Variants in OLFM3 observed in about 807,000 individuals in gnomAD.
The protein encoded by OLFM3 is olfactomedin 3.
OLFM3 carries 20 observed loss-of-function variants against 48.6 expected under a neutral mutation model. The ratio of observed to expected loss-of-function variants is 0.41; its 90% CI spans 0.29 to 0.60. OLFM3 has a LOEUF of 0.60. OLFM3 is among the 20% of genes least tolerant of loss of function. The pLI, the probability that OLFM3 is intolerant of heterozygous loss-of-function variation, is 0.28. For synonymous variants in OLFM3, 222 were observed against 198.1 expected, an observed-to-expected ratio of 1.12 and a Z score of -1.01; for missense variants, 437 against 544.3, an observed-to-expected ratio of 0.80 and a Z score of 1.96.
At chr1:101,940,995 TAGGTA>T (rs1418990529) in intron 1 of OLFM3, among the ~76,000 whole-genome samples, 1 of 152,090 alleles carries the variant, frequency 6.6e-6, no homozygotes, top group Admixed American at 6.6e-5. Flanking sequence ...CAATAGGCTG[TAGGTA>T]AAATGCAAGG....
chr1:101,814,171 T>C (rs778063424), intron 4 of OLFM3, among the ~76,000 whole-genome samples: 3 of 152,170 alleles, frequency 2.0e-5, no homozygotes, highest in Non-Finnish European at 4.4e-5. Context: ...CAGTCAGTCT[T>C]ACCGTAGAAA....
intron 1 of OLFM3, 132 bp from the exon 2 acceptor site, chr1:101,837,157 G>A (rs1378826383): frequency 1.1e-6 from 1 of 901,930 alleles, no homozygotes; most frequent in Admixed American, 3.0e-5. Flanking sequence ...AAAGTTAGCA[G>A]AGAGATATTA....
Position 101,881,818 on chromosome 1 carries a change from G to C in OLFM3, c.70-44793C>G, listed in dbSNP as rs574935686. On this transcript the variant is annotated intron_variant, in intron 1 of 5. Coordinates refer to ENST00000370103, the MANE Select transcript of OLFM3 (RefSeq NM_058170.4). ...TTTACATTTTGGCTGCAGTATTGGTGGTAGAATATACTATAATATGGATCA... is the reference window on the plus strand; with the variant it reads ...TTTACATTTTGGCTGCAGTATTGGTCGTAGAATATACTATAATATGGATCA... Among the ~76,000 whole-genome samples, 8 of 151,264 alleles carry C rather than the reference G, an allele frequency of 5.3e-5. No homozygotes were observed. In the East Asian group the frequency reaches 1.6e-3, roughly 30 times the overall value.
At chr1:101,936,463 G>T (rs1659622035) in intron 1 of OLFM3, among the ~76,000 whole-genome samples, 1 of 152,026 alleles carries the variant, frequency 6.6e-6, no homozygotes, top group African/African-American at 2.4e-5. Flanking sequence ...AGAAATCAGA[G>T]ATAACACAAA....
intron 1 of OLFM3, among the ~76,000 whole-genome samples, chr1:101,865,947 G>T (rs1290792447): frequency 1.3e-5 from 2 of 152,148 alleles, no homozygotes; most frequent in African/African-American, 4.8e-5. Context: ...TCATTCTTAA[G>T]GAGAAAGTTA....
At chr1:101,914,717 A>C (rs1217277498) in intron 1 of OLFM3, among the ~76,000 whole-genome samples, 1 of 152,162 alleles carries the variant, frequency 6.6e-6, no homozygotes, top group Non-Finnish European at 1.5e-5. Flanking sequence ...AAGGTGGCAA[A>C]GCCTGCATGC....
At chr1:101,948,847 AT>A (rs1345733579) in intron 1 of OLFM3, among the ~76,000 whole-genome samples, 8 of 147,662 alleles carry the variant, frequency 5.4e-5, no homozygotes, top group Non-Finnish European at 1.2e-4. Flanking sequence ...AATATTATGT[AT>A]TTTTATATAT....
At chr1:101,917,171 A>G (rs1483181162) in intron 1 of OLFM3, among the ~76,000 whole-genome samples, 2 of 152,210 alleles carry the variant, frequency 1.3e-5, no homozygotes, top group African/African-American at 4.8e-5. Context: ...AGTTAAGTCA[A>G]GAGTTAAGAT....
chr1:101,965,398 C>T (rs765743959), intron 1 of OLFM3, among the ~76,000 whole-genome samples: 4 of 152,176 alleles, frequency 2.6e-5, no homozygotes, highest in African/African-American at 7.2e-5. Context: ...AAGTCATGCA[C>T]ATTTATTGTA....
chr1:101,868,033 G>A (rs533653075), intron 1 of OLFM3, among the ~76,000 whole-genome samples: 3 of 152,232 alleles, frequency 2.0e-5, no homozygotes, highest in South Asian at 2.1e-4. Context: ...CTTCCACCAC[G>A]ACTGTAAGTT....
intron 1 of OLFM3, among the ~76,000 whole-genome samples, chr1:101,924,243 C>T (rs1201457575): frequency 6.6e-6 from 1 of 152,110 alleles, no homozygotes; most frequent in Non-Finnish European, 1.5e-5. Context: ...ATAGTGGATA[C>T]AGAGTGCCAC....
At chr1:101,900,131 T>C (rs1407899540) in intron 1 of OLFM3, among the ~76,000 whole-genome samples, 1 of 152,114 alleles carries the variant, frequency 6.6e-6, no homozygotes. Context: ...TACTCATGAG[T>C]TTATTTATAT....
At chr1:101,834,605 C>T (rs913059487) in intron 2 of OLFM3, among the ~76,000 whole-genome samples, 2 of 152,180 alleles carry the variant, frequency 1.3e-5, no homozygotes, top group African/African-American at 4.8e-5. Flanking sequence ...GCTACTTAAC[C>T]TCCTTCAGGC....
intron 5 of OLFM3, among the ~76,000 whole-genome samples, chr1:101,805,230 T>TATA (rs1553168744): frequency 6.6e-6 from 1 of 151,376 alleles, no homozygotes; most frequent in Admixed American, 6.6e-5. Context: ...CAATGCAAAT[T>TATA]ACACCTGATA....
At chr1:101,994,311 G>A (rs1196871526) in intron 1 of OLFM3, among the ~76,000 whole-genome samples, 1 of 150,818 alleles carries the variant, frequency 6.6e-6, no homozygotes, top group Non-Finnish European at 1.5e-5. Context: ...TATGCAAAAA[G>A]GCAGTTGGTT....
intron 1 of OLFM3, among the ~76,000 whole-genome samples, chr1:101,992,962 A>T (rs150186875): frequency 2.6e-4 from 40 of 152,258 alleles, no homozygotes; most frequent in African/African-American, 9.4e-4. Context: ...GTGAGAAAGT[A>T]TCATGAAGAT....
chr1:101,841,823 GTGT>G (rs1392192741), intron 1 of OLFM3, among the ~76,000 whole-genome samples: 1 of 152,212 alleles, frequency 6.6e-6, no homozygotes, highest in Non-Finnish European at 1.5e-5. Flanking sequence ...GCTACTGAAA[GTGT>G]TGTACAAATG....
chr1:101,922,960 A>T lies in OLFM3; in HGVS notation c.69+73788T>A, dbSNP rs143176987. On this transcript the variant is annotated intron_variant, in intron 1 of 5. Coordinates refer to ENST00000370103, the MANE Select transcript of OLFM3 (RefSeq NM_058170.4). ...TAATTCTATGGAAGCTCTATAAAGCAGTTGCTATAATTTCTCCCAATATAA... is the reference window on the plus strand; with the variant it reads ...TAATTCTATGGAAGCTCTATAAAGCTGTTGCTATAATTTCTCCCAATATAA... 6.2e-3 allele frequency among the ~76,000 whole-genome samples: 937 copies of T among 152,334 alleles called. 12 individuals carry two copies. Among genetic ancestry groups the T allele is most frequent in the African/African-American group, 0.022 (896 of 41,564 alleles).
chr1:101,928,290 GAAAC>G (rs924457123), intron 1 of OLFM3, among the ~76,000 whole-genome samples: 2 of 152,182 alleles, frequency 1.3e-5, no homozygotes, highest in South Asian at 2.1e-4. Context: ...CATTCAGCGA[GAAAC>G]AAACAAACAA....
Sources: allele counts gnomAD v4.1 joint callset (sites outside exome capture counted in the v4.1 genomes callset), GRCh38; gene constraint gnomAD v4.1.1; transcripts MANE v1.5; gene names NCBI Gene and HGNC (gene_info 2026-07-23, HGNC 2026-07-21).